SBNO2: variants seen among roughly 807,000 people sequenced by gnomAD.
SBNO2 encodes the protein strawberry notch homolog 2.
SBNO2 carries 89 observed loss-of-function variants against 146.3 expected under a neutral mutation model. The ratio of observed to expected loss-of-function variants is 0.61; its 90% CI spans 0.51 to 0.73. SBNO2 has a LOEUF of 0.73. Among genes scored for constraint, SBNO2 ranks in the 30% least tolerant of loss-of-function variants. The pLI is 0.00. For missense variants in SBNO2, 2,092 were observed against 2,003.7 expected, an observed-to-expected ratio of 1.04 and a Z score of -0.84; for synonymous variants, 1,147 against 892.6, an observed-to-expected ratio of 1.29 and a Z score of -5.08.
intron 9 of SBNO2, 34 bp from the exon 10 acceptor site, chr19:1,122,592 TC>T (rs1472385706): frequency 7.0e-7 from 1 of 1,432,172 alleles, no homozygotes. Flanking sequence ...CGCCCACCCT[TC>T]CCCCTCGCCC....
rs200891383 is a variant in SBNO2 at position 1,114,337 on chromosome 19, C to T, written c.1971G>A (p.Thr657=). Residue 657 remains threonine (T), a synonymous_variant, in exon 18 of 32, where the codon ACG becomes ACA. Transcript: ENST00000361757. ...GVIRISDDSS[T]ESDPGLDSDF... is the part of the protein sequence containing the mutation. ...CGCTGTCCAGGCCAGGGTCCGACTC[C>T]GTGCTGCTGTCGTCACTGATGCGGA... 7 of 1,556,926 alleles carry T rather than the reference C, an allele frequency of 4.5e-6. No individual in the cohort carries two copies. Among genetic ancestry groups the T allele is most frequent in the Admixed American group, 1.9e-5 (1 of 52,170 alleles).
chr19:1,164,814 G>GGAGGAGGAGGAA (rs2080393013), intron 1 of SBNO2, among the ~76,000 whole-genome samples: 1 of 60 alleles, frequency 0.017, no homozygotes, highest in Non-Finnish European at 0.042. Flanking sequence ...AGGAGGAGGA[G>GGAGGAGGAGGAA]CAGGAGGAGG....
rs1254390337 is a variant in SBNO2, at chr19:1,122,876, T to A, written c.780+18A>T. 4.5e-6 allele frequency: 7 copies of A among 1,540,436 alleles called. No homozygotes were observed. The highest frequency in any genetic ancestry group is 4.4e-6 in the Non-Finnish European group (5 of 1,143,888). ...CCTCGCGGACACAGGCTGGGCTGGG[T>A]TGGGGACATGCGGTCACCTGGCAGG... On this transcript the variant is annotated intron_variant, in intron 8 of 31. Transcript: ENST00000361757.
In SBNO2 at chr19:1,108,964, C is replaced by G. The variant is rs548693130; in HGVS notation, c.3431G>C (p.Arg1144Pro). The G allele has an allele frequency of 3.9e-6, 6 of 1,531,234 alleles. No homozygotes were observed. Among genetic ancestry groups the G allele is most frequent in the Non-Finnish European group, 3.5e-6 (4 of 1,144,498 alleles). 94.9% of individuals were successfully genotyped at this position (1,531,234 alleles called of 1,614,324 possible). The change falls in exon 31 of 32, where the codon CGG (arginine) becomes CCG (proline). Residue 1144 changes from arginine to proline, a missense_variant. Arg to Pro is a moderately radical substitution (Grantham distance 103). Transcript: ENST00000361757. The part of the protein sequence containing the change: ...LTHCSHSAWN[R>P]HCRLAQEGKD... ...ACCCTCCTGCGCCAGCCGGCAGTGC[C>G]GGTTCCTGCGGACGAGACGGGTCGT...
chr19:1,163,910 C>G (rs900441832), intron 1 of SBNO2, among the ~76,000 whole-genome samples: 2 of 152,206 alleles, frequency 1.3e-5, no homozygotes, highest in Admixed American at 1.3e-4. Flanking sequence ...ACTGCAGCCT[C>G]ACCGCCCCAT....
At chr19:1,119,777 G>GC in intron 12 of SBNO2, 129 bp downstream of exon 12, 1 of 941,338 alleles carries the variant, frequency 1.1e-6, no homozygotes, top group Admixed American at 2.1e-5. Context: ...GCGCAGAGGT[G>GC]CCCCAGTGTC....
intron 4 of SBNO2, among the ~76,000 whole-genome samples, chr19:1,134,186 C>T (rs1012134980): frequency 2.6e-5 from 4 of 151,124 alleles, no homozygotes; most frequent in Non-Finnish European, 5.9e-5. Context: ...TCACAGCTCA[C>T]GGGTGGACTC....
At chr19:1,127,229 G>A (rs562935762) in intron 5 of SBNO2, among the ~76,000 whole-genome samples, 41 of 152,290 alleles carry the variant, frequency 2.7e-4, no homozygotes, top group African/African-American at 9.4e-4. Flanking sequence ...TCTCTGTCCC[G>A]TCACCTTCCT....
chr19:1,150,276 G>C lies in SBNO2; in HGVS notation c.94-834C>G, dbSNP rs557996860. 9.2e-5 allele frequency among the ~76,000 whole-genome samples: 14 copies of C among 152,248 alleles called. No homozygotes were observed. The highest frequency in any genetic ancestry group is 1.5e-4 in the Non-Finnish European group (10 of 67,996). On this transcript the variant is annotated intron_variant, in intron 2 of 31. Transcript: ENST00000361757. The surrounding 1 kb of genome is among the most constrained non-coding windows in gnomAD (Gnocchi z 6.2). ...CAAAACCTGAGGATGGGGAGCACAC[G>C]GGGCAGCAGCGGGCCCAAGGGCGGC...
At chr19:1,163,808 C>G (rs1021804674) in intron 1 of SBNO2, among the ~76,000 whole-genome samples, 3 of 152,170 alleles carry the variant, frequency 2.0e-5, no homozygotes, top group Admixed American at 1.3e-4. Flanking sequence ...GTGGGCCCGG[C>G]AGGAGGGCAG....
rs767069965 is a variant in SBNO2 at position 1,122,566 on chromosome 19, G to C, written c.915-8C>G. ...TCGTTGGAGACGCTGAACCTGCGGG[G>C]TGGGGGCGTCAGGCGCGCCCACCCT... On this transcript the variant is annotated splice_region_variant and splice_polypyrimidine_tract_variant and intron_variant, in intron 9 of 31. Transcript: ENST00000361757. 1.3e-6 allele frequency: 2 copies of C among 1,532,662 alleles called. No individual in the cohort carries two copies. The highest frequency in any genetic ancestry group is 1.8e-6 in the Non-Finnish European group (2 of 1,139,586). The allele number at this position is 1,532,662 out of a possible 1,614,324, so 94.9% of individuals were successfully genotyped here.
chr19:1,151,650 G>A (rs1163868531), intron 2 of SBNO2, among the ~76,000 whole-genome samples: 1 of 152,164 alleles, frequency 6.6e-6, no homozygotes, highest in Non-Finnish European at 1.5e-5. Context: ...ATCAGAGCCT[G>A]CCTGGTGATT....
chr19:1,123,278 C>A (rs1018073904), intron 7 of SBNO2, among the ~76,000 whole-genome samples: 2 of 152,004 alleles, frequency 1.3e-5, no homozygotes, highest in Non-Finnish European at 2.9e-5. Context: ...TGGTTGGGGG[C>A]GTGGCCAGCG....
chr19:1,124,309 G>T (rs547496935), intron 5 of SBNO2, among the ~76,000 whole-genome samples: 13 of 152,326 alleles, frequency 8.5e-5, no homozygotes, highest in Admixed American at 8.5e-4. Flanking sequence ...GTGCCCGGGA[G>T]GAAGGTGCCC....
chr19:1,143,099 A>C (rs1030413648), intron 4 of SBNO2, among the ~76,000 whole-genome samples: 5 of 152,192 alleles, frequency 3.3e-5, no homozygotes, highest in African/African-American at 7.2e-5. Flanking sequence ...ATTTGCAGGG[A>C]ATGCACACAT....
In SBNO2 at chr19:1,111,894, G is replaced by A. The variant is rs1304623969; in HGVS notation, c.2700+102C>T. On this transcript the variant is annotated intron_variant, in intron 23 of 31. Coordinates refer to ENST00000361757, the MANE Select transcript of SBNO2 (RefSeq NM_014963.3). ...CCTCCTCCAGACCACTGAGCCCCAC[G>A]TTCTCCAGCCCCCATCTACCCCCTC... 22 of 1,134,116 alleles carry A rather than the reference G, an allele frequency of 1.9e-5. No individual in the cohort carries two copies. In the Admixed American group the frequency reaches 2.6e-4, roughly 14 times the overall value. The allele number at this position is 1,134,116 out of a possible 1,614,324, so 70.3% of individuals were successfully genotyped here.
intron 4 of SBNO2, among the ~76,000 whole-genome samples, chr19:1,143,729 G>A (rs933870048): frequency 6.6e-6 from 1 of 152,120 alleles, no homozygotes; most frequent in African/African-American, 2.4e-5. Context: ...CCTCTCATGA[G>A]GGCCCTGTGA....
In SBNO2 at chr19:1,116,942, G is replaced by A. The variant is rs769223268; in HGVS notation, c.1705-16C>T. On this transcript the variant is annotated splice_polypyrimidine_tract_variant and intron_variant, in intron 15 of 31. Coordinates refer to ENST00000361757, the MANE Select transcript of SBNO2 (RefSeq NM_014963.3). ...TGACCACGCACTGTGGGACGGCAGAGGACTGTGAGCCACCAGCCCTGCTGT... is the reference window on the plus strand; with the variant it reads ...TGACCACGCACTGTGGGACGGCAGAAGACTGTGAGCCACCAGCCCTGCTGT... 8 of 1,539,874 alleles carry A rather than the reference G, an allele frequency of 5.2e-6. No homozygotes were observed. In the South Asian group the frequency reaches 7.1e-5, roughly 14 times the overall value.
chr19:1,112,859 C>T lies in SBNO2; in HGVS notation c.2338G>A (p.Val780Met), dbSNP rs376039142. 2.5e-6 allele frequency: 4 copies of T among 1,576,408 alleles called. No homozygotes were observed. Among genetic ancestry groups the T allele is most frequent in the Non-Finnish European group, 3.4e-6 (4 of 1,162,758 alleles). The change falls in exon 20 of 32, where the codon GTG becomes ATG. Residue 780 changes from valine to methionine, a missense_variant. Transcript: ENST00000361757. The surrounding 1 kb of genome is among the most constrained non-coding windows in gnomAD (Gnocchi z 5.9). ...RAEQGLSIDH[V>M]NLREKQRFMS... is the part of the protein sequence containing the mutation. ...AAGCGCTGCTTCTCCCTGAGGTTCA[C>T]GTGGTCGATGGACAGACCCTGCTCT... is the stretch of plus-strand genomic sequence containing the variant.
Sources: gnomAD v4.1 joint callset for allele counts (sites outside exome capture counted in the v4.1 genomes callset) on GRCh38, gnomAD v4.1.1 for gene constraint, Gnocchi (gnomAD v3.1) non-coding constraint, MANE v1.5 for transcripts, NCBI Gene and HGNC (gene_info 2026-07-23, HGNC 2026-07-21) for gene names.